Variants in WDPCP observed in about 807,000 individuals in gnomAD.
WDPCP encodes the protein WD repeat-containing and planar cell polarity effector protein fritz homolog.
Under a neutral mutation model 93.1 loss-of-function variants are expected in WDPCP, and 71 were observed. The observed-to-expected ratio is 0.76, with a 90% CI of 0.63 to 0.93. The LOEUF is 0.93. Ranked by LOEUF, WDPCP falls within the 40% of genes least tolerant of loss-of-function variation. WDPCP has a pLI of 0.00. For missense variants in WDPCP, 844 were observed against 887.4 expected, an observed-to-expected ratio of 0.95 and a Z score of 0.62; for synonymous variants, 315 against 315.0, an observed-to-expected ratio of 1.00 and a Z score of 0.00.
chr2:63,478,857 A>AAAC (rs776787468), intron 6 of WDPCP, among the ~76,000 whole-genome samples: 3 of 152,082 alleles, frequency 2.0e-5, no homozygotes, highest in African/African-American at 4.8e-5. Flanking sequence ...TGAAACAAAC[A>AAAC]AACAACAACA....
intron 14 of WDPCP, among the ~76,000 whole-genome samples, chr2:63,183,273 A>C (rs557273633): frequency 3.3e-5 from 5 of 152,028 alleles, no homozygotes; most frequent in Non-Finnish European, 7.4e-5. Flanking sequence ...TTAATGCTAT[A>C]AACTTCCCTC....
intron 2 of WDPCP, among the ~76,000 whole-genome samples, chr2:63,789,643 T>C (rs1670518522): frequency 6.6e-6 from 1 of 152,244 alleles, no homozygotes; most frequent in South Asian, 2.1e-4. Flanking sequence ...ACTGTCACGT[T>C]GTTTTACAGT....
At chr2:63,556,800 T>C (rs532205273) in intron 1 of WDPCP, among the ~76,000 whole-genome samples, 15 of 152,232 alleles carry the variant, frequency 9.9e-5, no homozygotes, top group African/African-American at 3.4e-4. Context: ...GGGAAGCCCA[T>C]CAGACTAACA....
chr2:63,827,112 G>A (rs572743351), intron 1 of WDPCP, among the ~76,000 whole-genome samples: 24 of 152,192 alleles, frequency 1.6e-4, no homozygotes, highest in African/African-American at 5.3e-4. Flanking sequence ...AATTTTAAAA[G>A]CAGCTTATAC....
chr2:63,422,516 A>G (rs1695944516), intron 9 of WDPCP, among the ~76,000 whole-genome samples: 1 of 152,246 alleles, frequency 6.6e-6, no homozygotes, highest in African/African-American at 2.4e-5. Flanking sequence ...ATATAAGTAC[A>G]ACCATTGGGA....
At chr2:63,787,499 T>G (rs1201223843) in intron 2 of WDPCP, among the ~76,000 whole-genome samples, 1 of 152,136 alleles carries the variant, frequency 6.6e-6, no homozygotes, top group Non-Finnish European at 1.5e-5. Context: ...TTAAAAAAAT[T>G]TAAGGGCCTC....
chr2:63,278,958 A>G (rs1683294587), intron 13 of WDPCP, among the ~76,000 whole-genome samples: 1 of 152,224 alleles, frequency 6.6e-6, no homozygotes, highest in Non-Finnish European at 1.5e-5. Flanking sequence ...TAAACTCTGA[A>G]CAGACCAATA....
chr2:63,121,943 A>C lies in WDPCP; in HGVS notation c.*63T>G. ...TTAAAAATCCACACGGGGGATTTTA[A>C]GTCTGTATCAGGCCATGAAAAGTTT... On this transcript the variant is annotated 3_prime_UTR_variant, in exon 18 of 18. Transcript: ENST00000272321. 4 of 1,604,220 alleles carry C rather than the reference A, an allele frequency of 2.5e-6. No homozygotes were observed. Among genetic ancestry groups the C allele is most frequent in the Non-Finnish European group, 3.4e-6 (4 of 1,177,354 alleles).
intron 1 of WDPCP, among the ~76,000 whole-genome samples, chr2:63,540,954 C>T (rs1207079483): frequency 1.3e-5 from 2 of 151,282 alleles, no homozygotes; most frequent in Non-Finnish European, 2.9e-5. Context: ...TGGGGTTTTA[C>T]CATGTTGCCC....
At chr2:63,822,917 CT>C (rs936759118) in intron 1 of WDPCP, among the ~76,000 whole-genome samples, 5 of 150,506 alleles carry the variant, frequency 3.3e-5, no homozygotes, top group African/African-American at 1.2e-4. Flanking sequence ...ATCAGATCTG[CT>C]TCTGTTATTA....
chr2:63,532,262 A>T (rs1390803870), intron 1 of WDPCP, among the ~76,000 whole-genome samples: 1 of 152,174 alleles, frequency 6.6e-6, no homozygotes, highest in East Asian at 1.9e-4. Flanking sequence ...TGATGGGGAG[A>T]TGGAACCAAG....
At chr2:63,436,446 A>G (rs535212905) in intron 8 of WDPCP, among the ~76,000 whole-genome samples, 1 of 152,166 alleles carries the variant, frequency 6.6e-6, no homozygotes, top group Admixed American at 6.5e-5. Flanking sequence ...CTCCCATGCT[A>G]CCACCACCTC....
intron 9 of WDPCP, among the ~76,000 whole-genome samples, chr2:63,430,517 T>G (rs1322671695): frequency 6.6e-6 from 1 of 152,230 alleles, no homozygotes; most frequent in Non-Finnish European, 1.5e-5. Context: ...TTCTGTACTA[T>G]TTACTGTATA....
chr2:63,684,855 C>A, intron 2 of WDPCP: 1 of 301,362 alleles, frequency 3.3e-6, no homozygotes, highest in Non-Finnish European at 6.5e-6. Context: ...GGAAATTAAA[C>A]AATGTGCTCC....
chr2:63,317,789 T>C (rs1686773393), intron 12 of WDPCP, among the ~76,000 whole-genome samples: 1 of 152,076 alleles, frequency 6.6e-6, no homozygotes, highest in African/African-American at 2.4e-5. Flanking sequence ...GACTTAAATG[T>C]AAAACCCAAA....
At chr2:63,142,493 G>A (rs1196849754) in intron 17 of WDPCP, among the ~76,000 whole-genome samples, 1 of 152,190 alleles carries the variant, frequency 6.6e-6, no homozygotes, top group Non-Finnish European at 1.5e-5. Context: ...ACTGTGATCT[G>A]AGAGCGTGCT....
intron 10 of WDPCP, among the ~76,000 whole-genome samples, chr2:63,398,519 G>GTGA (rs1271006090): frequency 6.6e-6 from 1 of 152,120 alleles, no homozygotes; most frequent in Admixed American, 6.6e-5. Flanking sequence ...ACACATTTGT[G>GTGA]TGATCATTGT....
At chr2:63,773,521 AT>A in intron 2 of WDPCP, among the ~76,000 whole-genome samples, 1 of 152,090 alleles carries the variant, frequency 6.6e-6, no homozygotes, top group Non-Finnish European at 1.5e-5. Flanking sequence ...TAGACATAAC[AT>A]GGATATAACC....
chr2:63,242,321 T>C (rs1679919627), intron 14 of WDPCP, among the ~76,000 whole-genome samples: 1 of 152,326 alleles, frequency 6.6e-6, no homozygotes, highest in Non-Finnish European at 1.5e-5. Context: ...TTTCATAATA[T>C]GCAAATTTGT....
Sources: allele counts gnomAD v4.1 joint callset (sites outside exome capture counted in the v4.1 genomes callset), GRCh38; gene constraint gnomAD v4.1.1; transcripts MANE v1.5; gene names NCBI Gene and HGNC (gene_info 2026-07-23, HGNC 2026-07-21).